Variants in EMP2 observed in about 807,000 individuals in gnomAD.
EMP2 encodes the protein epithelial membrane protein 2.
A neutral mutation model predicts 13.7 loss-of-function variants in EMP2; 19 were observed. The ratio of observed to expected loss-of-function variants is 1.38; its 90% CI spans 0.97 to 2.03. The LOEUF is 2.03. Among genes scored for constraint, EMP2 ranks in the 30% most tolerant of loss-of-function variants. The pLI is 0.00. For missense variants in EMP2, 253 were observed against 220.7 expected (o/e 1.15, Z -0.93); for synonymous variants, 97 against 84.7 (o/e 1.15, Z -0.80).
At chr16:10,573,099 G>GAT (rs1308304324) in intron 1 of EMP2, among the ~76,000 whole-genome samples, 4 of 152,136 alleles carry the variant, frequency 2.6e-5, no homozygotes, top group Non-Finnish European at 5.9e-5. Flanking sequence ...ACCCAGGCTA[G>GAT]GGTGCAGTGG....
chr16:10,573,646 A>C (rs989575931), intron 1 of EMP2, among the ~76,000 whole-genome samples: 3 of 152,214 alleles, frequency 2.0e-5, no homozygotes, highest in Non-Finnish European at 4.4e-5. Context: ...GTAATTCCTG[A>C]AGATACTCTC....
intron 1 of EMP2, among the ~76,000 whole-genome samples, chr16:10,570,372 C>A (rs2050938558): frequency 6.6e-6 from 1 of 151,934 alleles, no homozygotes. Flanking sequence ...ACGACAGGTG[C>A]ACACCACCAC....
At position 10,532,881 on chromosome 16, in the gene EMP2, C is replaced by A; in HGVS notation, c.*24G>T. The A allele has an allele frequency of 2.1e-6, 3 of 1,400,296 alleles. No individual in the cohort carries two copies. Among genetic ancestry groups the A allele is most frequent in the Non-Finnish European group, 2.8e-6 (3 of 1,064,850 alleles). The allele number at this position is 1,400,296 out of a possible 1,614,324, so 86.7% of individuals were successfully genotyped here. A position where few individuals can be genotyped will look rare whatever the true frequency, so the allele number is the denominator to read the frequency against. The stretch of plus-strand genomic sequence containing the variant: ...TCTGAATGTGGATTCTGTACTGCAG[C>A]AGAAGCAACCCAGCTCCGGAACTCT... On this transcript the variant is annotated 3_prime_UTR_variant, in exon 5 of 5. Transcript: ENST00000359543.
intron 3 of EMP2, 28 bp from the exon 4 acceptor site, chr16:10,538,102 C>G: frequency 6.2e-7 from 1 of 1,609,200 alleles, no homozygotes; most frequent in Non-Finnish European, 8.5e-7. Flanking sequence ...GGGCGCAGGA[C>G]TGAGGACCTT....
At chr16:10,579,500 C>T (rs1011619226) in intron 1 of EMP2, among the ~76,000 whole-genome samples, 11 of 152,066 alleles carry the variant, frequency 7.2e-5, no homozygotes, top group African/African-American at 2.7e-4. Flanking sequence ...TTTCATCCTC[C>T]CCAAGAAAAA....
At chr16:10,559,808 G>T (rs2050859149) in intron 1 of EMP2, among the ~76,000 whole-genome samples, 1 of 152,074 alleles carries the variant, frequency 6.6e-6, no homozygotes, top group Non-Finnish European at 1.5e-5. Context: ...CCAAGTAGCT[G>T]GGATTACAGG....
chr16:10,558,979 C>T (rs952866271), intron 1 of EMP2: 1 of 152,222 alleles, frequency 6.6e-6, no homozygotes, highest in Admixed American at 6.5e-5. Context: ...AGGTGTGGAA[C>T]CTTTCAATAC....
chr16:10,548,024 GCT>G (rs1366169924), intron 1 of EMP2, among the ~76,000 whole-genome samples: 1 of 125,566 alleles, frequency 8.0e-6, no homozygotes, highest in African/African-American at 2.8e-5. Flanking sequence ...ACAAAGCAAG[GCT>G]CTGTCTGTTA....
At position 10,530,299 on chromosome 16, in the gene EMP2, C is replaced by G. The variant is rs557874694; in HGVS notation, c.*2606G>C. On this transcript the variant is annotated 3_prime_UTR_variant, in exon 5 of 5. Coordinates refer to ENST00000359543, the MANE Select transcript of EMP2 (RefSeq NM_001424.6). ...CCTGGAACATGGTAAACATTTAATA[C>G]TATCTGTCAAAAACAAATGAATGAA... 1.3e-5 allele frequency: 2 copies of G among 149,644 alleles called. No individual in the cohort carries two copies. Among genetic ancestry groups the G allele is most frequent in the African/African-American group, 5.1e-5 (2 of 38,986 alleles). 9.3% of individuals were successfully genotyped at this position (149,644 alleles called of 1,614,324 possible).
intron 2 of EMP2, chr16:10,546,289 C>A (rs547866165): frequency 5.9e-5 from 9 of 152,164 alleles, no homozygotes; most frequent in African/African-American, 2.2e-4. Flanking sequence ...ATGTTTCTGC[C>A]CTTTAATTAT....
intron 4 of EMP2, among the ~76,000 whole-genome samples, chr16:10,533,326 C>T (rs909081775): frequency 6.6e-6 from 1 of 152,174 alleles, no homozygotes; most frequent in Non-Finnish European, 1.5e-5. Flanking sequence ...ACGTGAGCCA[C>T]CGCGTGCAGC....
intron 1 of EMP2, among the ~76,000 whole-genome samples, chr16:10,552,029 T>C (rs2050792265): frequency 6.6e-6 from 1 of 152,096 alleles, no homozygotes; most frequent in Admixed American, 6.6e-5. Context: ...ATTCTTCTAA[T>C]TCTTTCAAAA....
chr16:10,565,371 A>G (rs746789152), intron 1 of EMP2, among the ~76,000 whole-genome samples: 4 of 152,186 alleles, frequency 2.6e-5, no homozygotes, highest in Non-Finnish European at 5.9e-5. Context: ...TCATCCAATC[A>G]GTTGAAGGCC....
rs543731969 is a variant in EMP2, at chr16:10,528,873, C to A, written c.*4032G>T. 3.3e-5 allele frequency: 5 copies of A among 152,216 alleles called. No individual in the cohort carries two copies. Among genetic ancestry groups the A allele is most frequent in the Non-Finnish European group, 7.3e-5 (5 of 68,044 alleles). 9.4% of individuals were successfully genotyped at this position (152,216 alleles called of 1,614,324 possible). ...CCACTGTGTTTAGTGTGTTTACAAACAGGCTTGGAGTTCTAGGTTTCTTCA... is the reference window on the plus strand; with the variant it reads ...CCACTGTGTTTAGTGTGTTTACAAAAAGGCTTGGAGTTCTAGGTTTCTTCA... On this transcript the variant is annotated 3_prime_UTR_variant, in exon 5 of 5. Coordinates refer to ENST00000359543, the MANE Select transcript of EMP2 (RefSeq NM_001424.6).
intron 2 of EMP2, chr16:10,546,524 G>A (rs1428497902): frequency 1.3e-5 from 2 of 152,214 alleles, no homozygotes; most frequent in East Asian, 3.9e-4. Context: ...CCATGCATGA[G>A]CTCTGCTGGG....
At chr16:10,540,429 C>A (rs1400405683) in intron 3 of EMP2, among the ~76,000 whole-genome samples, 2 of 151,910 alleles carry the variant, frequency 1.3e-5, no homozygotes, top group Non-Finnish European at 1.5e-5. Context: ...TGGCTTGAAC[C>A]CAGAAGGCGG....
chr16:10,558,719 G>A (rs926185962), intron 1 of EMP2, among the ~76,000 whole-genome samples: 2 of 151,922 alleles, frequency 1.3e-5, no homozygotes, highest in Non-Finnish European at 2.9e-5. Context: ...ATCTCCACCC[G>A]TGAGCCCCAT....
intron 1 of EMP2, among the ~76,000 whole-genome samples, chr16:10,566,390 A>G (rs769592870): frequency 6.6e-6 from 1 of 152,236 alleles, no homozygotes; most frequent in Non-Finnish European, 1.5e-5. Flanking sequence ...TGCCTGCCAT[A>G]GGAACTAAGC....
chr16:10,555,324 A>G (rs775945219), intron 1 of EMP2, among the ~76,000 whole-genome samples: 7 of 152,098 alleles, frequency 4.6e-5, no homozygotes, highest in Non-Finnish European at 7.4e-5. Flanking sequence ...TCCTTCTTCA[A>G]TTTCTTTAGG....
Sources: gnomAD v4.1 joint callset for allele counts (sites outside exome capture counted in the v4.1 genomes callset) on GRCh38, gnomAD v4.1.1 for gene constraint, MANE v1.5 for transcripts, NCBI Gene and HGNC (gene_info 2026-07-23, HGNC 2026-07-21) for gene names.